The following TMLHE variants were observed in gnomAD, a reference collection of about 807,000 sequenced individuals.
The protein encoded by TMLHE is trimethyllysine dioxygenase, mitochondrial.
TMLHE carries 18 observed loss-of-function variants against 25.7 expected under a neutral mutation model. That is an observed-to-expected ratio of 0.70 (90% CI 0.48 to 1.04). The LOEUF (loss-of-function observed/expected upper bound fraction) is 1.04. TMLHE is among the 50% of genes least tolerant of loss of function. The probability of loss-of-function intolerance (pLI) is 0.00; values close to 1 mark genes in which losing one functional copy is unlikely to be tolerated. For synonymous variants in TMLHE, 105 were observed against 97.0 expected, an observed-to-expected ratio of 1.08 and a Z score of -0.49; for missense variants, 236 against 259.0, an observed-to-expected ratio of 0.91 and a Z score of 0.61.
At chrX:155,599,044 C>T (rs1557346909) in intron 1 of TMLHE, among the ~76,000 whole-genome samples, 1 of 111,222 alleles carries the variant, frequency 9.0e-6, no homozygotes, top group East Asian at 2.8e-4. Context: ...CTCATCTTCA[C>T]ATAAGAATAC....
chrX:155,552,822 T>A (rs1557340223), intron 1 of TMLHE, among the ~76,000 whole-genome samples: 2 of 110,337 alleles, frequency 1.8e-5, no homozygotes, highest in Non-Finnish European at 3.8e-5. Context: ...TTTTTAGCCT[T>A]TCCTCTTTTG....
At chrX:155,513,088 CTGAA>C (rs1458886888) in intron 4 of TMLHE, among the ~76,000 whole-genome samples, 2 of 111,323 alleles carry the variant, frequency 1.8e-5, no homozygotes, top group Non-Finnish European at 3.8e-5. Flanking sequence ...GTGATTCAAA[CTGAA>C]TGGCTCACAG....
intron 6 of TMLHE, among the ~76,000 whole-genome samples, chrX:155,505,172 T>C (rs1193569844): frequency 9.0e-6 from 1 of 111,479 alleles, no homozygotes; most frequent in Non-Finnish European, 1.9e-5. Context: ...GATGGGAAGA[T>C]AGGTGATAAA....
chrX:155,510,178 C>T (rs2067098221), intron 5 of TMLHE, among the ~76,000 whole-genome samples: 1 of 110,798 alleles, frequency 9.0e-6, no homozygotes, highest in Admixed American at 9.6e-5. Flanking sequence ...TGTAAAATTA[C>T]ATTTTAATAA....
intron 1 of TMLHE, among the ~76,000 whole-genome samples, chrX:155,594,422 C>A (rs1462622252): frequency 1.8e-5 from 2 of 111,721 alleles, no homozygotes; most frequent in East Asian, 5.6e-4. Flanking sequence ...AAAGCTTTCT[C>A]AGACAAACAA....
chrX:155,602,686 T>C (rs2067762882), intron 1 of TMLHE, among the ~76,000 whole-genome samples: 1 of 110,680 alleles, frequency 9.0e-6, no homozygotes, highest in Admixed American at 9.6e-5. Context: ...CACATACACA[T>C]GGACACACAC....
intron 6 of TMLHE, 44 bp downstream of exon 6, chrX:155,506,854 T>G (rs1338573039): frequency 9.0e-7 from 1 of 1,114,822 alleles, no homozygotes; most frequent in Non-Finnish European, 1.2e-6. Flanking sequence ...AAGGCTAATC[T>G]TTGGCAAATA....
chrX:155,528,146 A>G (rs2067229801), intron 2 of TMLHE, among the ~76,000 whole-genome samples: 1 of 110,479 alleles, frequency 9.1e-6, no homozygotes, highest in African/African-American at 3.3e-5. Context: ...TGTGTTTTAA[A>G]GGATGTGGGG....
chrX:155,548,175 G>A lies in TMLHE; in HGVS notation c.-1-2898C>T, dbSNP rs1382358323. On this transcript the variant is annotated intron_variant, in intron 1 of 7. Transcript: ENST00000334398. ...AAACATTGGGGAAACATACCAGGAC[G>A]TTGGTCTGGGCAAAAATTTCTGGAG... Among the ~76,000 whole-genome samples, 3 of 111,982 alleles carry A rather than the reference G, an allele frequency of 2.7e-5. No individual in the cohort carries two copies. In the East Asian group the frequency reaches 8.4e-4, roughly 31 times the overall value.
intron 2 of TMLHE, among the ~76,000 whole-genome samples, chrX:155,538,052 T>C (rs2067289858): frequency 1.8e-5 from 2 of 111,438 alleles, no homozygotes; most frequent in Non-Finnish European, 3.8e-5. Flanking sequence ...TTTTGCTGTA[T>C]GATAGATCTC....
intron 2 of TMLHE, among the ~76,000 whole-genome samples, chrX:155,527,519 T>C (rs1446981276): frequency 2.7e-5 from 3 of 111,443 alleles, no homozygotes; most frequent in African/African-American, 9.8e-5. Flanking sequence ...ATACAGGAGG[T>C]CCTTGTACTA....
chrX:155,559,744 T>C (rs1481691543), intron 1 of TMLHE, among the ~76,000 whole-genome samples: 1 of 112,398 alleles, frequency 8.9e-6, no homozygotes, highest in African/African-American at 3.2e-5. Flanking sequence ...TTCAGATTTG[T>C]CCTTCTCTTT....
At chrX:155,585,968 A>T (rs1557345237) in intron 1 of TMLHE, among the ~76,000 whole-genome samples, 1 of 111,707 alleles carries the variant, frequency 9.0e-6, no homozygotes, top group Non-Finnish European at 1.9e-5. Context: ...TCATGCCTTT[A>T]ATCCCAGCAC....
At chrX:155,530,310 A>T (rs1298536770) in intron 2 of TMLHE, among the ~76,000 whole-genome samples, 6 of 111,533 alleles carry the variant, frequency 5.4e-5, no homozygotes, top group African/African-American at 2.0e-4. Flanking sequence ...AGTGAAATAA[A>T]CCAGATACAG....
At chrX:155,505,230 G>A (rs187691774) in intron 6 of TMLHE, among the ~76,000 whole-genome samples, 188 of 111,458 alleles carry the variant, frequency 1.7e-3, no homozygotes, top group Middle Eastern at 4.7e-3. Context: ...TAAGTCTATG[G>A]CTTTTCTGTG....
chrX:155,545,794 T>A lies in TMLHE; in HGVS notation c.-1-517A>T, dbSNP rs782680667. Among the ~76,000 whole-genome samples, 46 of 111,119 alleles carry A rather than the reference T, an allele frequency of 4.1e-4. 1 individual carries two copies. The highest frequency in any genetic ancestry group is 6.8e-4 in the Non-Finnish European group (36 of 52,949). On this transcript the variant is annotated intron_variant, in intron 1 of 7. Transcript: ENST00000334398. The stretch of plus-strand genomic sequence containing the variant: ...TCACATGCTATACAGGTTTGTACCC[T>A]AGGAGCAACAGGCTATATATATCAT...
At chrX:155,523,202 CTTGT>C (rs2067199206) in intron 3 of TMLHE, among the ~76,000 whole-genome samples, 1 of 111,821 alleles carries the variant, frequency 8.9e-6, no homozygotes, top group African/African-American at 3.3e-5. Flanking sequence ...AATTGTATTG[CTTGT>C]TTTTCTGCTG....
At chrX:155,521,888 G>C (rs369983789) in intron 3 of TMLHE, among the ~76,000 whole-genome samples, 1 of 88,080 alleles carries the variant, frequency 1.1e-5, no homozygotes, top group African/African-American at 4.2e-5. Flanking sequence ...GCTCGCGCAC[G>C]GTGCGCACAC....
chrX:155,604,352 T>A (rs1458289445), intron 1 of TMLHE, among the ~76,000 whole-genome samples: 1 of 108,760 alleles, frequency 9.2e-6, no homozygotes, highest in Non-Finnish European at 1.9e-5. Context: ...GGCTAGTCTG[T>A]CTTCCCTGTG....
Sources: gnomAD v4.1 joint callset for allele counts (sites outside exome capture counted in the v4.1 genomes callset) on GRCh38, gnomAD v4.1.1 for gene constraint, MANE v1.5 for transcripts, NCBI Gene and HGNC (gene_info 2026-07-23, HGNC 2026-07-21) for gene names.